SKAP2: variants seen among roughly 807,000 people sequenced by gnomAD.
SKAP2 encodes the protein src kinase-associated phosphoprotein 2.
A neutral mutation model predicts 54.9 loss-of-function variants in SKAP2; 28 were observed. The ratio of observed to expected loss-of-function variants is 0.51; its 90% CI spans 0.38 to 0.70. The LOEUF (loss-of-function observed/expected upper bound fraction) is 0.70, where lower values mean the gene tolerates loss of function less well. Among genes scored for constraint, SKAP2 ranks in the 30% least tolerant of loss-of-function variants. The probability of loss-of-function intolerance (pLI) is 0.00; values close to 1 mark genes in which losing one functional copy is unlikely to be tolerated. For missense variants in SKAP2, 356 were observed against 424.1 expected (o/e 0.84, Z 1.41); for synonymous variants, 137 against 134.3 (o/e 1.02, Z -0.14).
intron 4 of SKAP2, among the ~76,000 whole-genome samples, chr7:26,803,901 T>G (rs1306355359): frequency 6.6e-6 from 1 of 152,204 alleles, no homozygotes; most frequent in Non-Finnish European, 1.5e-5. Flanking sequence ...CTCACTTACT[T>G]GTGGGATCTA....
intron 3 of SKAP2, among the ~76,000 whole-genome samples, chr7:26,846,445 GTATATATGCA>G (rs367786756): frequency 6.6e-6 from 1 of 151,948 alleles, no homozygotes; most frequent in Non-Finnish European, 1.5e-5. Context: ...ATATATATGT[GTATATATGCA>G]TTTATATACA....
intron 4 of SKAP2, among the ~76,000 whole-genome samples, chr7:26,817,968 C>T (rs774367): frequency 0.51 from 78,181 of 151,906 alleles, 20,843 homozygotes; most frequent in East Asian, 0.86. Flanking sequence ...ACATTCCATG[C>T]TCATGGATAG....
At chr7:26,850,934 T>C (rs1356546103) in intron 3 of SKAP2, among the ~76,000 whole-genome samples, 2 of 152,070 alleles carry the variant, frequency 1.3e-5, no homozygotes, top group East Asian at 1.9e-4. Context: ...TAGCTTTCTA[T>C]GGAAATGAAT....
intron 1 of SKAP2, 30 bp downstream of exon 1, chr7:26,864,333 C>A (rs766910097): frequency 4.3e-6 from 7 of 1,613,536 alleles, no homozygotes; most frequent in Non-Finnish European, 5.9e-6. Context: ...CCCGCCCCGA[C>A]AGCATTATCG....
chr7:26,751,301 T>C (rs1428452586), intron 4 of SKAP2, among the ~76,000 whole-genome samples: 3 of 152,138 alleles, frequency 2.0e-5, no homozygotes, highest in African/African-American at 7.2e-5. Flanking sequence ...GACAAATGTG[T>C]AGTTTGAAAA....
chr7:26,721,246 T>C (rs902060969), intron 9 of SKAP2, among the ~76,000 whole-genome samples: 2 of 152,140 alleles, frequency 1.3e-5, no homozygotes, highest in Non-Finnish European at 2.9e-5. Context: ...TGAGTGATAA[T>C]TATTCAGGAG....
At chr7:26,770,206 T>C (rs1783156724) in intron 4 of SKAP2, among the ~76,000 whole-genome samples, 1 of 152,134 alleles carries the variant, frequency 6.6e-6, no homozygotes, top group Non-Finnish European at 1.5e-5. Flanking sequence ...TGCCAAGCCG[T>C]GGTAGGCTCC....
intron 6 of SKAP2, among the ~76,000 whole-genome samples, chr7:26,728,846 A>C (rs1787763894): frequency 6.6e-6 from 1 of 152,236 alleles, no homozygotes; most frequent in South Asian, 2.1e-4. Context: ...ATTTAGAGGA[A>C]AGCTGCTCCC....
intron 4 of SKAP2, among the ~76,000 whole-genome samples, chr7:26,785,485 C>G (rs938625159): frequency 6.6e-6 from 1 of 152,158 alleles, no homozygotes; most frequent in East Asian, 1.9e-4. Context: ...CGCGCCCGGC[C>G]GAGGAAACAA....
At chr7:26,722,385 A>ATTTTTTT (rs35643377) in intron 9 of SKAP2, among the ~76,000 whole-genome samples, 10 of 89,060 alleles carry the variant, frequency 1.1e-4, no homozygotes, top group East Asian at 3.6e-4. Flanking sequence ...ATGCAATGCA[A>ATTTTTTT]TTTTTTTTTT....
intron 4 of SKAP2, among the ~76,000 whole-genome samples, chr7:26,785,201 G>GT (rs910718480): frequency 2.6e-4 from 39 of 150,848 alleles, no homozygotes; most frequent in South Asian, 1.9e-3. Flanking sequence ...TTTTTTGTTT[G>GT]TTTTTTTTTA....
At chr7:26,657,832 TCTC>T in the SKAP2 span, among the ~76,000 whole-genome samples, 1 of 151,070 alleles carries the variant, frequency 6.6e-6, no homozygotes, top group Non-Finnish European at 1.5e-5. Flanking sequence ...TTTTTCCTGA[TCTC>T]CTCTTTCTTT....
intron 9 of SKAP2, among the ~76,000 whole-genome samples, chr7:26,705,158 C>T (rs1046646719): frequency 1.3e-5 from 2 of 152,128 alleles, no homozygotes; most frequent in African/African-American, 2.4e-5. Flanking sequence ...TCCAGTATGA[C>T]GAAACTTTCT....
At chr7:26,695,399 G>C (rs1786873323) in intron 9 of SKAP2, among the ~76,000 whole-genome samples, 1 of 152,020 alleles carries the variant, frequency 6.6e-6, no homozygotes, top group Non-Finnish European at 1.5e-5. Flanking sequence ...AATTCTATGA[G>C]GTAATTATAA....
chr7:26,803,640 A>T (rs1272372614), intron 4 of SKAP2, among the ~76,000 whole-genome samples: 2 of 152,196 alleles, frequency 1.3e-5, no homozygotes, highest in African/African-American at 4.8e-5. Flanking sequence ...AAGAAAGGAA[A>T]TCAGTATACT....
intron 4 of SKAP2, among the ~76,000 whole-genome samples, chr7:26,784,439 T>C (rs1356309171): frequency 6.6e-6 from 1 of 152,230 alleles, no homozygotes; most frequent in Non-Finnish European, 1.5e-5. Context: ...GGCTTTCTTC[T>C]TCTGTGAAAG....
chr7:26,742,072 A>C (rs1454601302), intron 4 of SKAP2, among the ~76,000 whole-genome samples: 1 of 152,114 alleles, frequency 6.6e-6, no homozygotes, highest in Admixed American at 6.5e-5. Context: ...AGTTTTTTTC[A>C]AAATAAACTT....
chr7:26,709,802 T>A (rs1331941263), intron 9 of SKAP2, among the ~76,000 whole-genome samples: 2 of 152,168 alleles, frequency 1.3e-5, no homozygotes, highest in African/African-American at 4.8e-5. Flanking sequence ...ATGACTAGCC[T>A]GCCATAGGGA....
intron 4 of SKAP2, among the ~76,000 whole-genome samples, chr7:26,759,182 T>C (rs1782869225): frequency 6.6e-6 from 1 of 152,192 alleles, no homozygotes; most frequent in African/African-American, 2.4e-5. Flanking sequence ...ATCCTGAAGT[T>C]TTAATAGATA....
Sources: gnomAD v4.1 joint callset for allele counts (sites outside exome capture counted in the v4.1 genomes callset) on GRCh38, gnomAD v4.1.1 for gene constraint, MANE v1.5 for transcripts, NCBI Gene and HGNC (gene_info 2026-07-23, HGNC 2026-07-21) for gene names.